DIP2B: variants seen among roughly 807,000 people sequenced by gnomAD.
DIP2B encodes disco-interacting protein 2 homolog B.
DIP2B carries 76 observed loss-of-function variants against 198.0 expected under a neutral mutation model. That is an observed-to-expected ratio of 0.38 (90% CI 0.32 to 0.46). The LOEUF (loss-of-function observed/expected upper bound fraction) is 0.46. DIP2B is among the 20% of genes least tolerant of loss of function. The pLI, the probability that DIP2B is intolerant of heterozygous loss-of-function variation, is 0.99. For missense variants in DIP2B, 1,559 were observed against 1,978.4 expected (o/e 0.79, Z 4.02); for synonymous variants, 701 against 739.1 (o/e 0.95, Z 0.84).
At chr12:50,599,500 C>A (rs913024668) in intron 1 of DIP2B, among the ~76,000 whole-genome samples, 1 of 151,846 alleles carries the variant, frequency 6.6e-6, no homozygotes, top group African/African-American at 2.4e-5. Context: ...GCCTGTTATC[C>A]CAGCTACTTG....
chr12:50,695,397 C>T, intron 15 of DIP2B, 37 bp downstream of exon 15: 3 of 1,556,892 alleles, frequency 1.9e-6, no homozygotes, highest in Non-Finnish European at 2.7e-6. Flanking sequence ...AATTATGTGA[C>T]TGTTTGAATT....
intron 2 of DIP2B, among the ~76,000 whole-genome samples, chr12:50,637,760 T>C (rs1938185377): frequency 6.6e-6 from 1 of 152,208 alleles, no homozygotes; most frequent in Non-Finnish European, 1.5e-5. Context: ...TCTGTTACTC[T>C]TGCAGGTGAG....
At chr12:50,593,132 A>G (rs982879943) in intron 1 of DIP2B, among the ~76,000 whole-genome samples, 2 of 152,234 alleles carry the variant, frequency 1.3e-5, no homozygotes, top group African/African-American at 4.8e-5. Context: ...ATTAAAACCC[A>G]TACAATAAGT....
Position 50,704,219 on chromosome 12 carries a change from C to T in DIP2B, c.2405C>T (p.Pro802Leu), listed in dbSNP as rs2139565009. 4 of 1,608,660 alleles carry T rather than the reference C, an allele frequency of 2.5e-6. No homozygotes were observed. Among genetic ancestry groups the T allele is most frequent in the South Asian group, 1.1e-5 (1 of 89,740 alleles). ...IRSGLLGFVG[P>L]GSLVFVVGKM... Reference sequence around the variant, plus strand: ...TCAGGATTGCTGGGGTTTGTAGGGCCGGTAAGTGATGCTTTCATGTTGATT... The same window carrying T: ...TCAGGATTGCTGGGGTTTGTAGGGCTGGTAAGTGATGCTTTCATGTTGATT... The change falls in exon 20 of 38, where the codon CCG becomes CTG. Residue 802 changes from proline to leucine, a missense_variant and splice_region_variant. Coordinates refer to ENST00000301180, the MANE Select transcript of DIP2B (RefSeq NM_173602.3).
chr12:50,593,707 C>CTCCT (rs1958841226), intron 1 of DIP2B, among the ~76,000 whole-genome samples: 13 of 27,404 alleles, frequency 4.7e-4, no homozygotes, highest in African/African-American at 2.2e-3. Flanking sequence ...TCTCCTCTCC[C>CTCCT]CTCCTCTCCT....
intron 2 of DIP2B, among the ~76,000 whole-genome samples, chr12:50,627,702 C>T (rs967970872): frequency 2.0e-5 from 3 of 152,246 alleles, no homozygotes; most frequent in Admixed American, 1.3e-4. Context: ...AAATCATTTG[C>T]TTAGTGAGCA....
Position 50,678,670 on chromosome 12 carries a change from C to T in DIP2B, c.917-9C>T. 1 of 1,611,316 alleles carries T rather than the reference C, an allele frequency of 6.2e-7. No homozygotes were observed. The highest frequency in any genetic ancestry group is 8.5e-7 in the Non-Finnish European group (1 of 1,178,484). The stretch of plus-strand genomic sequence containing the variant: ...ACTCATTTCACTCATTGGGATTTTC[C>T]TGGTACAGTACCTCAGCCAGACCCC... On this transcript the variant is annotated splice_polypyrimidine_tract_variant and intron_variant, in intron 7 of 37. Coordinates refer to ENST00000301180, the MANE Select transcript of DIP2B (RefSeq NM_173602.3).
At chr12:50,591,875 T>G (rs970144948) in intron 1 of DIP2B, among the ~76,000 whole-genome samples, 9 of 150,564 alleles carry the variant, frequency 6.0e-5, no homozygotes, top group African/African-American at 1.9e-4. Flanking sequence ...TTCTTTATTT[T>G]TGTGTGTTTT....
chr12:50,593,230 G>T (rs926270597), intron 1 of DIP2B, among the ~76,000 whole-genome samples: 1 of 152,278 alleles, frequency 6.6e-6, no homozygotes, highest in East Asian at 1.9e-4. Flanking sequence ...TTGTTGGCTG[G>T]GTGCAGTGGC....
chr12:50,611,642 C>A (rs1281222252), intron 1 of DIP2B, among the ~76,000 whole-genome samples: 3 of 152,194 alleles, frequency 2.0e-5, no homozygotes, highest in Non-Finnish European at 4.4e-5. Flanking sequence ...CCACTGCCTC[C>A]AGTGGTTTTA....
At chr12:50,588,324 T>C (rs1958788397) in intron 1 of DIP2B, among the ~76,000 whole-genome samples, 2 of 151,910 alleles carry the variant, frequency 1.3e-5, no homozygotes, top group African/African-American at 4.8e-5. Context: ...GCTAATTCTT[T>C]GTATTTTTAG....
chr12:50,713,375 T>C (rs556730547), intron 22 of DIP2B, among the ~76,000 whole-genome samples: 54 of 152,354 alleles, frequency 3.5e-4, no homozygotes, highest in Non-Finnish European at 6.8e-4. Flanking sequence ...TAACTTTTAG[T>C]GTGTCTTTCC....
At chr12:50,522,874 A>G (rs1958132981) in intron 1 of DIP2B, among the ~76,000 whole-genome samples, 1 of 152,316 alleles carries the variant, frequency 6.6e-6, no homozygotes, top group South Asian at 2.1e-4. Flanking sequence ...TGGTAAGTAA[A>G]AGCATTATTT....
intron 23 of DIP2B, among the ~76,000 whole-genome samples, chr12:50,717,646 C>T (rs1387854760): frequency 2.7e-5 from 4 of 149,292 alleles, no homozygotes; most frequent in Middle Eastern, 3.9e-3. Context: ...GGATTATAGG[C>T]GTGAGCCACC....
intron 1 of DIP2B, among the ~76,000 whole-genome samples, chr12:50,538,452 C>A (rs1958289610): frequency 6.6e-6 from 1 of 152,006 alleles, no homozygotes; most frequent in Non-Finnish European, 1.5e-5. Context: ...CCCACCCCAC[C>A]TCCGTGCCCA....
intron 1 of DIP2B, among the ~76,000 whole-genome samples, chr12:50,584,377 C>A (rs1449699852): frequency 6.6e-6 from 1 of 152,120 alleles, no homozygotes; most frequent in Non-Finnish European, 1.5e-5. Flanking sequence ...TCAGTTTCAC[C>A]TCAGTACATA....
intron 10 of DIP2B, 23 bp downstream of exon 10, chr12:50,683,271 G>T (rs770784593): frequency 4.4e-6 from 7 of 1,581,082 alleles, no homozygotes; most frequent in Non-Finnish European, 6.1e-6. Flanking sequence ...AATTTAAGAG[G>T]AATGTAGCCT....
chr12:50,542,248 C>CAAAAAAAAA (rs35430997), intron 1 of DIP2B, among the ~76,000 whole-genome samples: 22 of 49,222 alleles, frequency 4.5e-4, no homozygotes, highest in South Asian at 1.4e-3. Flanking sequence ...GACTCCGTCT[C>CAAAAAAAAA]AAAAAAAAAA....
At chr12:50,597,190 C>T (rs1349160199) in intron 1 of DIP2B, among the ~76,000 whole-genome samples, 1 of 152,114 alleles carries the variant, frequency 6.6e-6, no homozygotes, top group Non-Finnish European at 1.5e-5. Context: ...CTTTCCATGT[C>T]AACATATGTA....
Sources: gnomAD v4.1 joint callset for allele counts (sites outside exome capture counted in the v4.1 genomes callset) on GRCh38, gnomAD v4.1.1 for gene constraint, MANE v1.5 for transcripts, NCBI Gene and HGNC (gene_info 2026-07-23, HGNC 2026-07-21) for gene names.